POLK: variants seen among roughly 807,000 people sequenced by gnomAD.
The protein encoded by POLK is polymerase (DNA directed) kappa.
POLK carries 76 observed loss-of-function variants against 94.0 expected under a neutral mutation model. That is an observed-to-expected ratio of 0.81 (90% CI 0.67 to 0.98). POLK has a LOEUF of 0.98. POLK is among the 50% of genes least tolerant of loss of function. POLK has a pLI of 0.00. For missense variants in POLK, 954 were observed against 1,010.1 expected, an observed-to-expected ratio of 0.94 and a Z score of 0.75; for synonymous variants, 349 against 325.4, an observed-to-expected ratio of 1.07 and a Z score of -0.78.
intron 1 of POLK, among the ~76,000 whole-genome samples, chr5:75,528,231 T>C (rs192482861): frequency 2.2e-4 from 33 of 152,236 alleles, no homozygotes; most frequent in Non-Finnish European, 3.7e-4. Flanking sequence ...AAAATGATTA[T>C]ATAGTTCCAT....
At chr5:75,564,837 G>C (rs1159724523) in intron 3 of POLK, among the ~76,000 whole-genome samples, 3 of 152,204 alleles carry the variant, frequency 2.0e-5, no homozygotes, top group Non-Finnish European at 2.9e-5. Flanking sequence ...TTCAACCTTG[G>C]TGAATCTGAT....
chr5:75,555,239 C>T, intron 3 of POLK, among the ~76,000 whole-genome samples: 1 of 152,014 alleles, frequency 6.6e-6, no homozygotes, highest in East Asian at 1.9e-4. Context: ...GAGGTGCATC[C>T]ACCATTATAG....
At chr5:75,579,692 C>T (rs1306638711) in intron 6 of POLK, among the ~76,000 whole-genome samples, 2 of 151,730 alleles carry the variant, frequency 1.3e-5, no homozygotes, top group Non-Finnish European at 2.9e-5. Context: ...ATTTTAAAAC[C>T]AGCATATTAA....
At chr5:75,551,864 G>C (rs931877979) in intron 2 of POLK, among the ~76,000 whole-genome samples, 1 of 152,142 alleles carries the variant, frequency 6.6e-6, no homozygotes, top group African/African-American at 2.4e-5. Flanking sequence ...CCTACTCCTA[G>C]TTACCTACCT....
At chr5:75,596,716 G>A in exon 13 of POLK, 1 of 1,613,806 alleles carries the variant, frequency 6.2e-7, no homozygotes, top group Non-Finnish European at 8.5e-7. Context: ...GAAAGAAAAT[G>A]TTCCTGCTTC....
chr5:75,575,371 G>C (rs1036338057), intron 5 of POLK, among the ~76,000 whole-genome samples: 2 of 152,090 alleles, frequency 1.3e-5, no homozygotes, highest in African/African-American at 4.8e-5. Flanking sequence ...TGCAGAGATA[G>C]GGTTTTCCTA....
intron 4 of POLK, among the ~76,000 whole-genome samples, chr5:75,571,145 C>G (rs1771569606): frequency 6.6e-6 from 1 of 152,066 alleles, no homozygotes; most frequent in African/African-American, 2.4e-5. Flanking sequence ...GTTATTGTTT[C>G]TAAATTCAAA....
intron 6 of POLK, among the ~76,000 whole-genome samples, chr5:75,577,249 CTGAGGAAGT>C (rs1771939870): frequency 1.3e-5 from 2 of 152,144 alleles, no homozygotes; most frequent in Non-Finnish European, 2.9e-5. Context: ...GGCATTGAAG[CTGAGGAAGT>C]TGTCTGTTTA....
intron 12 of POLK, among the ~76,000 whole-genome samples, chr5:75,595,248 G>GAAAAAAAAAAAACAAAAAAA (rs1773007260): frequency 4.0e-5 from 1 of 24,880 alleles, no homozygotes; most frequent in Admixed American, 5.3e-4. Context: ...CTCCACCTCA[G>GAAAAAAAAAAAACAAAAAAA]AAAAAAAAAA....
At chr5:75,557,790 A>ATGTTT (rs1195577638) in intron 3 of POLK, among the ~76,000 whole-genome samples, 1 of 151,774 alleles carries the variant, frequency 6.6e-6, no homozygotes, top group Admixed American at 6.6e-5. Context: ...AATGTGTTTT[A>ATGTTT]TGTTTTGTTT....
chr5:75,549,032 G>A (rs1770197607), intron 2 of POLK, among the ~76,000 whole-genome samples: 1 of 152,074 alleles, frequency 6.6e-6, no homozygotes, highest in African/African-American at 2.4e-5. Flanking sequence ...AATTTAAAAT[G>A]TTTCACTTGT....
upstream of POLK, chr5:75,511,528 G>A: frequency 2.0e-6 from 3 of 1,466,562 alleles, no homozygotes; most frequent in Non-Finnish European, 1.8e-6. Context: ...TTCAAATAGG[G>A]AAGGAAAAGG....
exon 15 of POLK, chr5:75,599,469 A>G (rs1345306444): frequency 1.3e-5 from 2 of 152,166 alleles, no homozygotes; most frequent in Admixed American, 6.5e-5. Context: ...ACTTTTAATT[A>G]CTAGATTCTT....
At chr5:75,520,794 T>A (rs1196951323) in intron 1 of POLK, among the ~76,000 whole-genome samples, 1 of 152,224 alleles carries the variant, frequency 6.6e-6, no homozygotes, top group African/African-American at 2.4e-5. Flanking sequence ...TCTTGTAAAA[T>A]GAGTCTGGTG....
intron 2 of POLK, among the ~76,000 whole-genome samples, chr5:75,550,101 G>A (rs1274751997): frequency 1.3e-5 from 2 of 152,134 alleles, no homozygotes; most frequent in Admixed American, 6.6e-5. Flanking sequence ...AGAAAATAGA[G>A]AAGGATGGAA....
Position 75,595,248 on chromosome 5 carries a change from G to GAAAAAAAAAAAAAAAAA in POLK, c.1529-965_1529-949dup, listed in dbSNP as rs58783164. Among the ~76,000 whole-genome samples the GAAAAAAAAAAAAAAAAA allele has an allele frequency of 6.0e-4, 15 of 24,882 alleles. 1 individual carries two copies. The highest frequency in any genetic ancestry group is 1.3e-3 in the African/African-American group (12 of 9,168). 16.3% of individuals were successfully genotyped at this position (24,882 alleles called of 152,430 possible). On this transcript the variant is annotated intron_variant, in intron 12 of 14. Coordinates refer to ENST00000241436, the Ensembl canonical transcript of POLK. ...GCAACAAGAGTGAAACTCCACCTCA[G>GAAAAAAAAAAAAAAAAA]AAAAAAAAAAAAAAAAAAAAAAAAA...
chr5:75,557,210 C>T (rs1350637801), intron 3 of POLK, among the ~76,000 whole-genome samples: 1 of 152,202 alleles, frequency 6.6e-6, no homozygotes, highest in Non-Finnish European at 1.5e-5. Context: ...TTTGCCAATA[C>T]CACACTCTCT....
intron 5 of POLK, among the ~76,000 whole-genome samples, chr5:75,576,091 A>G (rs1054383599): frequency 1.3e-5 from 2 of 152,168 alleles, no homozygotes; most frequent in Non-Finnish European, 2.9e-5. Flanking sequence ...AAAAGCCACT[A>G]TAATTCTAAT....
the POLK span, chr5:75,608,805 G>A: frequency 6.6e-6 from 1 of 152,228 alleles, no homozygotes; most frequent in African/African-American, 2.4e-5. Flanking sequence ...TCTCCACCAG[G>A]AAACAGTGGA....
Sources: gnomAD v4.1 joint callset for allele counts (sites outside exome capture counted in the v4.1 genomes callset) on GRCh38, gnomAD v4.1.1 for gene constraint, MANE v1.5 for transcripts, NCBI Gene and HGNC (gene_info 2026-07-23, HGNC 2026-07-21) for gene names.